Variants in ZNF534 observed in about 807,000 individuals in gnomAD.
The protein encoded by ZNF534 is zinc finger protein 534.
In ZNF534, 19 loss-of-function variants were observed where a neutral mutation model predicts 13.6. The observed-to-expected ratio is 1.40, with a 90% CI of 0.97 to 2.05. ZNF534 has a LOEUF of 2.05. Ranked by LOEUF, ZNF534 falls within the 30% of genes most tolerant of loss-of-function variation. ZNF534 has a pLI of 0.00. For synonymous variants in ZNF534, 244 were observed against 273.8 expected, an observed-to-expected ratio of 0.89 and a Z score of 1.07; for missense variants, 782 against 796.3, an observed-to-expected ratio of 0.98 and a Z score of 0.22.
chr19:52,447,558 T>G (rs1044059113), intron 4 of ZNF534, among the ~76,000 whole-genome samples: 1 of 152,238 alleles, frequency 6.6e-6, no homozygotes, highest in Non-Finnish European at 1.5e-5. Flanking sequence ...TGCTCTATTA[T>G]CAGTTTTGAA....
At position 52,437,815 on chromosome 19, in the gene ZNF534, G is replaced by C; in HGVS notation, c.355G>C (p.Glu119Gln). Residue 119 changes from glutamate (E) to glutamine (Q), a missense_variant, in exon 5 of 5, where the codon GAA becomes CAA. By Grantham distance (29) the Glu-to-Gln change is conservative (BLOSUM62 2). Coordinates refer to ENST00000433050, the MANE Select transcript of ZNF534 (RefSeq NM_001143938.3). Reference sequence around the variant, plus strand: ...ATTAACTCTTCAGTTACATCTGACTGAATGGCAGCCATTTCAAGCTGTAAG... The same window carrying C: ...ATTAACTCTTCAGTTACATCTGACTCAATGGCAGCCATTTCAAGCTGTAAG... ...HGLTLQLHLTEWQPFQAVRNI... is the reference protein window; with the variant it reads ...HGLTLQLHLTQWQPFQAVRNI... The C allele has an allele frequency of 6.2e-7, 1 of 1,613,490 alleles. No homozygotes were observed. Among genetic ancestry groups the C allele is most frequent in the Middle Eastern group, 1.7e-4 (1 of 6,060 alleles).
At chr19:52,443,058 T>C (rs1360801255), downstream of ZNF534, among the ~76,000 whole-genome samples, 1 of 152,224 alleles carries the variant, frequency 6.6e-6, no homozygotes, top group African/African-American at 2.4e-5. Context: ...GTAGCAATCA[T>C]GGAGGGGAAG....
chr19:52,430,815 G>A (rs958096270), intron 1 of ZNF534, among the ~76,000 whole-genome samples: 1 of 151,258 alleles, frequency 6.6e-6, no homozygotes, highest in African/African-American at 2.4e-5. Context: ...CAAAGTGCTG[G>A]GATTACAGGC....
intron 4 of ZNF534, among the ~76,000 whole-genome samples, chr19:52,435,635 C>T (rs1188961179): frequency 2.0e-5 from 3 of 152,120 alleles, no homozygotes; most frequent in African/African-American, 7.2e-5. Context: ...TTCTGAATAG[C>T]TGGGACTCTG....
chr19:52,446,610 C>G (rs1210175138), downstream of ZNF534, among the ~76,000 whole-genome samples: 1 of 152,108 alleles, frequency 6.6e-6, no homozygotes, highest in African/African-American at 2.4e-5. Flanking sequence ...GTAACCCCAG[C>G]ACTTTGGGAG....
In ZNF534 at chr19:52,442,059, T is replaced by C. The variant is rs34101691; in HGVS notation, c.*2613T>C. Among the ~76,000 whole-genome samples the C allele has an allele frequency of 0.92, 139,289 of 151,994 alleles. 64,168 individuals carry two copies. The highest frequency in any genetic ancestry group is 0.96 in the Non-Finnish European group (65,530 of 67,978). On this transcript the variant is annotated 3_prime_UTR_variant, in exon 5 of 5. Coordinates refer to ENST00000433050, the MANE Select transcript of ZNF534 (RefSeq NM_001143938.3). The stretch of plus-strand genomic sequence containing the variant: ...ATCACTAGAAATCAAAATATACTTT[T>C]GGATAAAACGACACAGATGGATTGT...
In ZNF534 at chr19:52,441,597, C is replaced by G. The variant is rs1043173334; in HGVS notation, c.*2151C>G. ...CTATAGAATTCATACTGCAGAGAAGCCTTACAAATGCAGCGAATGTGACAA... is the reference window on the plus strand; with the variant it reads ...CTATAGAATTCATACTGCAGAGAAGGCTTACAAATGCAGCGAATGTGACAA... On this transcript the variant is annotated 3_prime_UTR_variant, in exon 5 of 5. Transcript: ENST00000433050. Among the ~76,000 whole-genome samples, 3 of 152,172 alleles carry G rather than the reference C, an allele frequency of 2.0e-5. No individual in the cohort carries two copies. The highest frequency in any genetic ancestry group is 7.2e-5 in the African/African-American group (3 of 41,452).
Position 52,434,199 on chromosome 19 carries a change from A to G in ZNF534, c.142+118A>G. ...TGACTGAGATTGAAACCTGTTGACTAAGAAATGAAAAGCAGGCCAGGCGCA... is the reference window on the plus strand; with the variant it reads ...TGACTGAGATTGAAACCTGTTGACTGAGAAATGAAAAGCAGGCCAGGCGCA... On this transcript the variant is annotated intron_variant, in intron 3 of 4. Coordinates refer to ENST00000433050, the MANE Select transcript of ZNF534 (RefSeq NM_001143938.3). 4.1e-6 allele frequency: 6 copies of G among 1,464,208 alleles called. No individual in the cohort carries two copies. In the South Asian group the frequency reaches 4.1e-5, roughly 10 times the overall value. The allele number at this position is 1,464,208 out of a possible 1,614,324, so 90.7% of individuals were successfully genotyped here.
chr19:52,435,963 G>C (rs1052727063), intron 4 of ZNF534, among the ~76,000 whole-genome samples: 109 of 102,902 alleles, frequency 1.1e-3, no homozygotes, highest in African/African-American at 4.5e-3. Context: ...TTTTGAGACC[G>C]TCTCACTCTG....
chr19:52,434,429 C>G (rs891396505), intron 3 of ZNF534, among the ~76,000 whole-genome samples: 4 of 132,524 alleles, frequency 3.0e-5, no homozygotes, highest in African/African-American at 1.2e-4. Context: ...CGCACCACTG[C>G]ACTCCAGCCT....
chr19:52,433,752 C>T, intron 2 of ZNF534: 1 of 652,820 alleles, frequency 1.5e-6, no homozygotes, highest in South Asian at 1.5e-5. Context: ...GACATCTACT[C>T]TGATTTAAAG....
intron 2 of ZNF534, among the ~76,000 whole-genome samples, 185 bp downstream of exon 2, chr19:52,431,674 A>G (rs1252203781): frequency 6.6e-6 from 1 of 152,018 alleles, no homozygotes; most frequent in African/African-American, 2.4e-5. Flanking sequence ...AATGACATGA[A>G]CTTGGGAAGA....
downstream of ZNF534, among the ~76,000 whole-genome samples, chr19:52,444,622 G>A (rs2059187738): frequency 6.6e-6 from 1 of 151,960 alleles, no homozygotes; most frequent in African/African-American, 2.4e-5. Flanking sequence ...CCATCAGTTG[G>A]GGGCAGGGCT....
chr19:52,444,699 G>T (rs978036989), downstream of ZNF534, among the ~76,000 whole-genome samples: 1 of 152,062 alleles, frequency 6.6e-6, no homozygotes, highest in African/African-American at 2.4e-5. Flanking sequence ...ATGGGGTTGT[G>T]GTTCCCAGGT....
Position 52,438,283 on chromosome 19 carries a change from T to C in ZNF534, c.823T>C (p.Cys275Arg). The C allele has an allele frequency of 6.2e-7, 1 of 1,605,556 alleles. No individual in the cohort carries two copies. ...ACAGAAACCTTACAATAACAAAGAA[T>C]GTGGGAAAGTCTTTAGTCACCATGC... The part of the protein sequence containing the change: ...TGQKPYNNKE[C>R]GKVFSHHAYL... Residue 275 changes from cysteine (C) to arginine (R), a missense_variant, in exon 5 of 5, where the codon TGT becomes CGT. By Grantham distance (180) the Cys-to-Arg change is radical. Around this residue, in one of 5 missense-constraint regions of ZNF534, gnomAD observed 591 missense variants for 574.0 expected, o/e 1.03. Transcript: ENST00000433050.
chr19:52,439,587 C>A lies in ZNF534; in HGVS notation c.*141C>A, dbSNP rs1229581117. ...TGAAACCCCATCTCTACTAAAAATA[C>A]AAAAAAAAAAAAAAAAAAAAAATTA... On this transcript the variant is annotated 3_prime_UTR_variant, in exon 5 of 5. Coordinates refer to ENST00000433050, the MANE Select transcript of ZNF534 (RefSeq NM_001143938.3). 457 of 504,092 alleles carry A rather than the reference C, an allele frequency of 9.1e-4. No homozygotes were observed. Among genetic ancestry groups the A allele is most frequent in the South Asian group, 6.4e-3 (149 of 23,222 alleles). 31.2% of individuals were successfully genotyped at this position (504,092 alleles called of 1,614,324 possible).
In ZNF534 at chr19:52,439,694, G is replaced by T. The variant is rs939383603; in HGVS notation, c.*248G>T. ...GGATGGCATGAACCTGGGAGGCAGA[G>T]CCTCCAGTGAGCCGAGTGAGCCACT... On this transcript the variant is annotated 3_prime_UTR_variant, in exon 5 of 5. Coordinates refer to ENST00000433050, the MANE Select transcript of ZNF534 (RefSeq NM_001143938.3). 1.3e-5 allele frequency among the ~76,000 whole-genome samples: 2 copies of T among 151,564 alleles called. No homozygotes were observed. The highest frequency in any genetic ancestry group is 2.4e-5 in the African/African-American group (1 of 41,198).
chr19:52,447,690 AT>A (rs1599873151), intron 4 of ZNF534, among the ~76,000 whole-genome samples: 1 of 151,862 alleles, frequency 6.6e-6, no homozygotes, highest in African/African-American at 2.4e-5. Flanking sequence ...ATCAAATTTT[AT>A]TTTTTTCTTC....
downstream of ZNF534, among the ~76,000 whole-genome samples, chr19:52,446,187 T>G (rs1367613651): frequency 6.6e-6 from 1 of 152,168 alleles, no homozygotes; most frequent in Non-Finnish European, 1.5e-5. Context: ...GAAAATATAA[T>G]GATAAATAAC....
Sources: allele counts gnomAD v4.1 joint callset (sites outside exome capture counted in the v4.1 genomes callset), GRCh38; gene constraint gnomAD v4.1.1; regional missense constraint gnomAD v4.1.1; transcripts MANE v1.5; gene names NCBI Gene and HGNC (gene_info 2026-07-23, HGNC 2026-07-21).